The following MEIG1 variants were observed in gnomAD, a reference collection of about 807,000 sequenced individuals.
The protein encoded by MEIG1 is meiosis/spermiogenesis associated 1, also known as meiosis expressed gene 1 protein homolog.
A neutral mutation model predicts 11.3 loss-of-function variants in MEIG1; 12 were observed. The ratio of observed to expected loss-of-function variants is 1.07; its 90% confidence interval spans 0.68 to 1.73. MEIG1 has a LOEUF of 1.73. Ranked by LOEUF, MEIG1 falls within the 40% of genes most tolerant of loss-of-function variation. The pLI is 0.00. For missense variants in MEIG1, 119 were observed against 104.9 expected, an observed-to-expected ratio of 1.13 and a Z score of -0.59; for synonymous variants, 41 against 33.2, an observed-to-expected ratio of 1.24 and a Z score of -0.81.
rs1843332451 is a variant in MEIG1, at chr10:14,987,645, G to A, written n.286-143G>A. ...ACTTTTTAGCTATACGAGGCTTTCT[G>A]TACATACTACTTTAGAGAAAATCCA... On this transcript the variant is annotated intron_variant and non_coding_transcript_variant, in intron 2 of 2. Transcript: ENST00000467536. 8 of 448,056 alleles carry A rather than the reference G, an allele frequency of 1.8e-5. No individual in the cohort carries two copies. The Admixed American group carries it at 2.6e-4, about 14-fold the overall frequency. 27.8% of individuals were successfully genotyped at this position (448,056 alleles called of 1,614,324 possible). A position where few individuals can be genotyped will look rare whatever the true frequency, so the allele number is the denominator to read the frequency against.
At chr10:14,982,515 G>A (rs1843275220) in intron 1 of MEIG1, among the ~76,000 whole-genome samples, 1 of 152,114 alleles carries the variant, frequency 6.6e-6, no homozygotes, top group Non-Finnish European at 1.5e-5. Context: ...ATTAGGGCTT[G>A]TGGCTTTTCC....
intron 1 of MEIG1, among the ~76,000 whole-genome samples, chr10:14,985,594 C>G (rs1015999245): frequency 1.2e-4 from 18 of 151,936 alleles, no homozygotes; most frequent in Admixed American, 1.1e-3. Flanking sequence ...CGGGGTGAGG[C>G]GGTGTACATC....
chr10:14,958,247 C>G (rs1842971495), upstream of MEIG1, among the ~76,000 whole-genome samples: 1 of 150,620 alleles, frequency 6.6e-6, no homozygotes, highest in Non-Finnish European at 1.5e-5. Flanking sequence ...ATATACAAAT[C>G]TAAAGTTCAG....
rs140604791 is a variant in MEIG1 at position 14,981,900 on chromosome 10, C to T, written n.67-4896C>T. Among the ~76,000 whole-genome samples, 419 of 152,298 alleles carry T rather than the reference C, an allele frequency of 2.8e-3. 3 individuals carry two copies. Among genetic ancestry groups the T allele is most frequent in the African/African-American group, 9.2e-3 (382 of 41,566 alleles). The stretch of plus-strand genomic sequence containing the variant: ...TTGCTGCAGCTAACAAACAGGTCGG[C>T]GTTTCCCCGGGCCTGACCTCCATTC... On this transcript the variant is annotated intron_variant and non_coding_transcript_variant, in intron 1 of 2. Transcript: ENST00000467536.
At position 14,968,749 on chromosome 10, in the gene MEIG1, G is replaced by GA. The variant is rs202229153; in HGVS notation, c.138+2149dup. 9.8e-3 allele frequency among the ~76,000 whole-genome samples: 1,483 copies of GA among 152,090 alleles called. 30 individuals are homozygous for GA. The highest frequency in any genetic ancestry group is 0.034 in the African/African-American group (1,418 of 41,508). ...CTATATCATCTATGGCTTTTAAACA[G>GA]AAAAAACAGAAGCATTATCATTTTT... is the stretch of plus-strand genomic sequence containing the variant. On this transcript the variant is annotated intron_variant, in intron 2 of 2. Transcript: ENST00000407572.
intron 1 of MEIG1, among the ~76,000 whole-genome samples, chr10:14,963,846 C>A (rs1274771603): frequency 1.3e-5 from 2 of 152,172 alleles, no homozygotes; most frequent in South Asian, 2.1e-4. Context: ...CGCCTGTAAT[C>A]CCAGCCTTTT....
At chr10:14,965,461 A>G (rs1843069102) in intron 1 of MEIG1, among the ~76,000 whole-genome samples, 1 of 152,226 alleles carries the variant, frequency 6.6e-6, no homozygotes, top group South Asian at 2.1e-4. Flanking sequence ...CCATGGTCTC[A>G]GTACCACGAC....
chr10:14,973,782 A>AAAAAG (rs1554806817), downstream of MEIG1, among the ~76,000 whole-genome samples: 570 of 151,434 alleles, frequency 3.8e-3, 9 homozygotes, highest in African/African-American at 0.013. Context: ...AAAAAAAAAA[A>AAAAAG]AAAAGAAAAC....
At chr10:14,960,190 G>A (rs560370053) in intron 1 of MEIG1, among the ~76,000 whole-genome samples, 111 of 152,292 alleles carry the variant, frequency 7.3e-4, no homozygotes, top group South Asian at 2.5e-3. Flanking sequence ...GTTACGTGCT[G>A]GTTACAGGGC....
chr10:14,984,178 A>C (rs1266251003), intron 1 of MEIG1, among the ~76,000 whole-genome samples: 2 of 148,560 alleles, frequency 1.3e-5, no homozygotes, highest in African/African-American at 5.1e-5. Flanking sequence ...AGGCGGGGAG[A>C]GGGGGGTGCT....
At position 14,972,536 on chromosome 10, in the gene MEIG1, A is replaced by G; in HGVS notation, c.162A>G (p.Gly54=). The change falls in exon 3 of 3, where the codon GGA becomes GGG. Residue 54 remains glycine, a synonymous_variant. Transcript: ENST00000407572. ...AGGTAGATCGTTGGCCGGAGACAGG[A>G]TATGTGAAGAAACTTCAGAGAAGGG... The part of the protein sequence containing the change: ...VSMVDRWPET[G]YVKKLQRRDN... The G allele has an allele frequency of 6.2e-7, 1 of 1,614,114 alleles. No individual in the cohort carries two copies. Among genetic ancestry groups the G allele is most frequent in the Non-Finnish European group, 8.5e-7 (1 of 1,179,970 alleles).
chr10:14,972,879 A>G, downstream of MEIG1: 1 of 343,912 alleles, frequency 2.9e-6, no homozygotes, highest in East Asian at 7.2e-5. Flanking sequence ...ATTTTATTTT[A>G]TTTTGAGACA....
intron 2 of MEIG1, among the ~76,000 whole-genome samples, chr10:14,967,528 A>C (rs1346874973): frequency 6.7e-6 from 1 of 149,020 alleles, no homozygotes; most frequent in East Asian, 2.0e-4. Flanking sequence ...TTTTTGAGAC[A>C]GAGTCTCACT....
chr10:14,960,637 C>T lies in MEIG1; in HGVS notation c.-30+1080C>T, dbSNP rs189775708. 1.9e-3 allele frequency among the ~76,000 whole-genome samples: 284 copies of T among 152,066 alleles called. 3 individuals carry two copies. The East Asian group carries it at 0.051, about 27-fold the overall frequency. On this transcript the variant is annotated intron_variant, in intron 1 of 2. Coordinates refer to ENST00000407572, the MANE Select transcript of MEIG1 (RefSeq NM_001080836.3). Reference sequence around the variant, plus strand: ...GTTTCACTTTGTTGGCCAGGATGGTCTCGATCTCCTGACCTCGTGATCCAC... The same window carrying T: ...GTTTCACTTTGTTGGCCAGGATGGTTTCGATCTCCTGACCTCGTGATCCAC...
At chr10:14,983,270 C>T (rs1360697388) in intron 1 of MEIG1, among the ~76,000 whole-genome samples, 2 of 152,044 alleles carry the variant, frequency 1.3e-5, no homozygotes, top group African/African-American at 2.4e-5. Flanking sequence ...CTAATATTCA[C>T]GGAAGAAGAG....
At chr10:14,985,726 C>G (rs1843312115) in intron 1 of MEIG1, among the ~76,000 whole-genome samples, 1 of 151,948 alleles carries the variant, frequency 6.6e-6, no homozygotes, top group African/African-American at 2.4e-5. Flanking sequence ...CTGCAATACC[C>G]TAGGAGGATG....
downstream of MEIG1, among the ~76,000 whole-genome samples, chr10:14,974,247 C>A (rs748895566): frequency 1.3e-5 from 2 of 152,108 alleles, no homozygotes; most frequent in African/African-American, 4.8e-5. Context: ...GGTGCATATT[C>A]CTCTAGCCAC....
At chr10:14,965,636 A>G (rs959747148) in intron 1 of MEIG1, among the ~76,000 whole-genome samples, 1 of 151,284 alleles carries the variant, frequency 6.6e-6, no homozygotes, top group Admixed American at 6.6e-5. Context: ...GAAACAAGAA[A>G]GCGAACAGAG....
chr10:14,967,165 G>T (rs10159823), intron 2 of MEIG1, among the ~76,000 whole-genome samples: 97,323 of 151,818 alleles, frequency 0.64, 31,515 homozygotes, highest in Non-Finnish European at 0.68. Flanking sequence ...TCTGCTAAAT[G>T]AATCTTTTGC....
Sources: gnomAD v4.1 joint callset for allele counts (sites outside exome capture counted in the v4.1 genomes callset) on GRCh38, gnomAD v4.1.1 for gene constraint, MANE v1.5 for transcripts, NCBI Gene and HGNC (gene_info 2026-07-23, HGNC 2026-07-21) for gene names.